The following COL5A1 variants were observed in gnomAD, a reference collection of about 807,000 sequenced individuals.
COL5A1 encodes collagen alpha-1(V) chain.
COL5A1 carries 16 observed loss-of-function variants against 263.7 expected under a neutral mutation model. That is an observed-to-expected ratio of 0.06 (90% confidence interval 0.04 to 0.09). The LOEUF (loss-of-function observed/expected upper bound fraction) is 0.09. Among genes scored for constraint, COL5A1 ranks in the 10% least tolerant of loss-of-function variants. The pLI is 1.00. For synonymous variants in COL5A1, 1,012 were observed against 1,004.5 expected (o/e 1.01, Z -0.14); for missense variants, 2,036 against 2,540.5 (o/e 0.80, Z 4.27).
intron 1 of COL5A1, among the ~76,000 whole-genome samples, chr9:134,684,458 G>C (rs553445753): frequency 6.6e-6 from 1 of 152,348 alleles, no homozygotes; most frequent in South Asian, 2.1e-4. Flanking sequence ...GGGGAGCCCA[G>C]GGCTCCATCC....
At chr9:134,731,943 G>T in intron 8 of COL5A1, 128 bp from the exon 9 acceptor site, 1 of 1,119,558 alleles carries the variant, frequency 8.9e-7, no homozygotes. Context: ...ATCCTCCTGG[G>T]CCTGGGGAGA....
intron 2 of COL5A1, among the ~76,000 whole-genome samples, chr9:134,695,908 G>C (rs1354783250): frequency 6.6e-6 from 1 of 151,936 alleles, no homozygotes; most frequent in Non-Finnish European, 1.5e-5. Context: ...GTGGGACTGA[G>C]AGCCCTTCTG....
Position 134,825,824 on chromosome 9 carries a change from T to G in COL5A1, c.4987T>G (p.Ser1663Ala), listed in dbSNP as rs1436371955. The change falls in exon 63 of 66, where the codon TCC becomes GCC. Residue 1663 changes from serine to alanine, a missense_variant. By Grantham distance (99) the Ser-to-Ala change is moderately conservative (BLOSUM62 1). Coordinates refer to ENST00000371817, the MANE Select transcript of COL5A1 (RefSeq NM_000093.5). ...CTGGGTCGATCCTAACCAAGGATGC[T>G]CCAGGGATTCCTTCAAGGTTTACTG... is the stretch of plus-strand genomic sequence containing the variant. ...EYWVDPNQGC[S>A]RDSFKVYCNF... The G allele has an allele frequency of 1.2e-6, 2 of 1,613,038 alleles. No individual in the cohort carries two copies. The highest frequency in any genetic ancestry group is 1.7e-6 in the Non-Finnish European group (2 of 1,179,310).
rs537950589 is a variant in COL5A1, at chr9:134,732,110, C to T, written c.1372C>T (p.Pro458Ser). Residue 458 changes from proline to serine, a missense_variant, in exon 9 of 66, where the codon CCA (proline) becomes TCA (serine). This residue lies in a region of COL5A1 where 600 missense variants were observed against 634.5 expected (regional missense o/e 0.95). Coordinates refer to ENST00000371817, the MANE Select transcript of COL5A1 (RefSeq NM_000093.5). ...PRGEKGQKGE[P>S]AIIEPGMLIE... ...GGGCGAGAAAGGCCAAAAGGGAGAACCAGCGATTATCGAGCCGGTGAGGAC... is the reference window on the plus strand; with the variant it reads ...GGGCGAGAAAGGCCAAAAGGGAGAATCAGCGATTATCGAGCCGGTGAGGAC... The T allele has an allele frequency of 2.4e-5, 38 of 1,614,250 alleles. No individual in the cohort carries two copies. The East Asian group carries it at 7.1e-4, about 30-fold the overall frequency.
At chr9:134,837,873 G>A (rs986920814) in intron 65 of COL5A1, among the ~76,000 whole-genome samples, 2 of 152,216 alleles carry the variant, frequency 1.3e-5, no homozygotes, top group East Asian at 1.9e-4. Flanking sequence ...ACGGCGACTC[G>A]CCCAAGGTCT....
intron 1 of COL5A1, among the ~76,000 whole-genome samples, chr9:134,656,770 T>C (rs1831987741): frequency 1.3e-5 from 2 of 151,090 alleles, no homozygotes; most frequent in South Asian, 4.2e-4. Flanking sequence ...TTTTATAAAG[T>C]GTGAAAGAAG....
In COL5A1 at chr9:134,841,530, C is replaced by T. The variant is rs886533735; in HGVS notation, c.5371-627C>T. On this transcript the variant is annotated intron_variant, in intron 65 of 65. Transcript: ENST00000371817. The surrounding 1 kb of genome is among the most constrained non-coding windows in gnomAD (Gnocchi z 4.8). ...AGGTTCATTGCACTACCCCTGCCCT[C>T]TGTGCCTCAGTTTACCTAAGACTCC... Among the ~76,000 whole-genome samples the T allele has an allele frequency of 1.2e-4, 18 of 152,154 alleles. No individual in the cohort carries two copies. The highest frequency in any genetic ancestry group is 6.5e-4 in the Admixed American group (10 of 15,290).
intron 60 of COL5A1, 89 bp from the exon 61 acceptor site, chr9:134,823,327 G>T: frequency 7.0e-7 from 1 of 1,431,614 alleles, no homozygotes; most frequent in Non-Finnish European, 9.9e-7. Flanking sequence ...CCCCACATAG[G>T]TCTCCAGGGA....
In COL5A1 at chr9:134,842,694, C is replaced by T. The variant is rs556097869; in HGVS notation, c.*391C>T. The T allele has an allele frequency of 3.5e-6, 1 of 284,662 alleles. No homozygotes were observed. Among genetic ancestry groups the T allele is most frequent in the South Asian group, 5.0e-5 (1 of 20,118 alleles). 17.6% of individuals were successfully genotyped at this position (284,662 alleles called of 1,614,324 possible). On this transcript the variant is annotated 3_prime_UTR_variant, in exon 66 of 66. Transcript: ENST00000371817. This position sits in a 1 kb window ranked among gnomAD's most constrained non-coding sequence, Gnocchi z 5.8. ...TGGACACTATATTTTTTTCTAAATT[C>T]AACTTGAAGATGTGTATTTCCCCTG... is the stretch of plus-strand genomic sequence containing the variant.
chr9:134,693,407 A>C (rs1189314278), intron 2 of COL5A1, among the ~76,000 whole-genome samples: 3 of 152,136 alleles, frequency 2.0e-5, no homozygotes, highest in African/African-American at 7.2e-5. Context: ...TTTTAAGTCC[A>C]TGTTTTTTTA....
intron 65 of COL5A1, among the ~76,000 whole-genome samples, chr9:134,836,049 G>A (rs768319940): frequency 6.6e-6 from 1 of 152,216 alleles, no homozygotes; most frequent in African/African-American, 2.4e-5. Flanking sequence ...TGACATTGGA[G>A]CCTGTTCTCT....
At chr9:134,747,646 T>C (rs11103490) in intron 11 of COL5A1, among the ~76,000 whole-genome samples, 13,022 of 147,998 alleles carry the variant, frequency 0.088, 808 homozygotes, top group East Asian at 0.26. Context: ...CATGCATTCA[T>C]ACACATGCAG....
rs913871849 is a variant in COL5A1 at position 134,789,069 on chromosome 9, G to T, written c.2647-86G>T. ...AGTCTGGGGCAGAGGCTGTGCACTG[G>T]CATGCAGGTGGTCCCCCAGGCGGCC... On this transcript the variant is annotated intron_variant, in intron 31 of 65. Coordinates refer to ENST00000371817, the MANE Select transcript of COL5A1 (RefSeq NM_000093.5). This position sits in a 1 kb window ranked among gnomAD's most constrained non-coding sequence, Gnocchi z 4.8. 5 of 1,172,498 alleles carry T rather than the reference G, an allele frequency of 4.3e-6. No homozygotes were observed. Among genetic ancestry groups the T allele is most frequent in the Non-Finnish European group, 6.3e-6 (5 of 789,996 alleles). 72.6% of individuals were successfully genotyped at this position (1,172,498 alleles called of 1,614,324 possible).
chr9:134,771,312 C>A (rs1465191560), intron 25 of COL5A1, among the ~76,000 whole-genome samples: 1 of 152,240 alleles, frequency 6.6e-6, no homozygotes, highest in Non-Finnish European at 1.5e-5. Flanking sequence ...CCACCCTGGA[C>A]CAGGACACCC....
intron 11 of COL5A1, among the ~76,000 whole-genome samples, chr9:134,744,534 C>G (rs566812166): frequency 6.6e-6 from 1 of 151,690 alleles, no homozygotes; most frequent in South Asian, 2.1e-4. Context: ...TACATGCACA[C>G]TCACACCCAC....
At chr9:134,778,694 G>C (rs1837141197) in intron 27 of COL5A1, among the ~76,000 whole-genome samples, 1 of 152,228 alleles carries the variant, frequency 6.6e-6, no homozygotes, top group Non-Finnish European at 1.5e-5. Context: ...TGGGCGTAGA[G>C]GGAGGTGTCC....
At chr9:134,810,141 G>A in intron 43 of COL5A1, 114 bp from the exon 44 acceptor site, 1 of 1,148,870 alleles carries the variant, frequency 8.7e-7, no homozygotes, top group Non-Finnish European at 1.3e-6. Context: ...AAAGTTTTAG[G>A]GCCACCTGGA....
chr9:134,802,732 C>T (rs1054420674), intron 38 of COL5A1, among the ~76,000 whole-genome samples, 156 bp from the exon 39 acceptor site: 2 of 152,178 alleles, frequency 1.3e-5, no homozygotes, highest in Non-Finnish European at 2.9e-5. Flanking sequence ...AGATTTTTGC[C>T]GGGAAGAGAA....
In COL5A1 at chr9:134,678,988, G is replaced by A. The variant is rs997217931; in HGVS notation, c.110-11924G>A. Among the ~76,000 whole-genome samples, 8 of 152,196 alleles carry A rather than the reference G, an allele frequency of 5.3e-5. No individual in the cohort carries two copies. Among genetic ancestry groups the A allele is most frequent in the African/African-American group, 1.4e-4 (6 of 41,454 alleles). ...TTCAGTGGCTCTGTGTTGGGGTCAC[G>A]TGGTATCTGCCCTCTGTTATCCGAG... On this transcript the variant is annotated intron_variant, in intron 1 of 65. Coordinates refer to ENST00000371817, the MANE Select transcript of COL5A1 (RefSeq NM_000093.5). This position sits in a 1 kb window ranked among gnomAD's most constrained non-coding sequence, Gnocchi z 5.5.
Sources: allele counts gnomAD v4.1 joint callset (sites outside exome capture counted in the v4.1 genomes callset), GRCh38; gene constraint gnomAD v4.1.1; regional missense constraint gnomAD v4.1.1; non-coding constraint Gnocchi (gnomAD v3.1); transcripts MANE v1.5; gene names NCBI Gene and HGNC (gene_info 2026-07-23, HGNC 2026-07-21).